Variants in PPP2R2B observed in about 807,000 individuals in gnomAD.
PPP2R2B encodes the protein protein phosphatase 2 regulatory subunit Bbeta.
A neutral mutation model predicts 46.0 loss-of-function variants in PPP2R2B; 5 were observed. The observed-to-expected ratio is 0.11, with a 90% CI of 0.06 to 0.23. PPP2R2B has a LOEUF of 0.23. PPP2R2B is among the 10% of genes least tolerant of loss of function. PPP2R2B has a pLI of 1.00. For synonymous variants in PPP2R2B, 215 were observed against 206.7 expected (o/e 1.04, Z -0.34); for missense variants, 367 against 575.0 (o/e 0.64, Z 3.70).
At chr5:146,966,204 A>G (rs1475942596) in intron 1 of PPP2R2B, among the ~76,000 whole-genome samples, 1 of 152,096 alleles carries the variant, frequency 6.6e-6, no homozygotes, top group Non-Finnish European at 1.5e-5. Flanking sequence ...GAGGCTCGTT[A>G]ATGTTGTCAT....
At chr5:146,768,126 T>C (rs1754605592) in intron 2 of PPP2R2B, among the ~76,000 whole-genome samples, 1 of 152,116 alleles carries the variant, frequency 6.6e-6, no homozygotes, top group South Asian at 2.1e-4. Flanking sequence ...CAGGTTGGAG[T>C]GCAGTGGCAC....
At chr5:146,747,097 A>G (rs573397724) in intron 2 of PPP2R2B, among the ~76,000 whole-genome samples, 1 of 152,168 alleles carries the variant, frequency 6.6e-6, no homozygotes, top group Non-Finnish European at 1.5e-5. Flanking sequence ...GTGGAATTAA[A>G]TTTTAAGAGG....
At chr5:146,972,670 C>T (rs2151849297) in intron 1 of PPP2R2B, among the ~76,000 whole-genome samples, 1 of 152,144 alleles carries the variant, frequency 6.6e-6, no homozygotes, top group South Asian at 2.1e-4. Context: ...TGAGATCATG[C>T]CATTGTACTC....
At position 146,806,170 on chromosome 5, in the gene PPP2R2B, T is replaced by G. The variant is rs553488126; in HGVS notation, c.70+71832A>C. 2.6e-5 allele frequency among the ~76,000 whole-genome samples: 4 copies of G among 152,236 alleles called. No homozygotes were observed. The East Asian group carries it at 7.8e-4, about 30-fold the overall frequency. On this transcript the variant is annotated intron_variant, in intron 2 of 9. Coordinates refer to ENST00000394411, the MANE Select transcript of PPP2R2B (RefSeq NM_181675.4). ...TGTGTGTGATGCGCACATACACACATGTGCACAAGCAGAAACACGCCTTTA... is the reference window on the plus strand; with the variant it reads ...TGTGTGTGATGCGCACATACACACAGGTGCACAAGCAGAAACACGCCTTTA...
At chr5:146,697,884 C>T (rs528111657) in intron 4 of PPP2R2B, 95 bp downstream of exon 4, 325 of 1,262,596 alleles carry the variant, frequency 2.6e-4, no homozygotes, top group Non-Finnish European at 3.5e-4. Context: ...TTTCAACAGC[C>T]CACACAGTTC....
At chr5:146,782,865 G>C (rs981890340) in intron 2 of PPP2R2B, among the ~76,000 whole-genome samples, 12 of 152,042 alleles carry the variant, frequency 7.9e-5, no homozygotes, top group Non-Finnish European at 8.8e-5. Flanking sequence ...GAGAGAAACA[G>C]AGGGGGAAGG....
At chr5:146,614,198 A>G (rs1392003582) in intron 7 of PPP2R2B, among the ~76,000 whole-genome samples, 1 of 122,730 alleles carries the variant, frequency 8.1e-6, no homozygotes, top group Non-Finnish European at 1.6e-5. Context: ...ATAATGTCGC[A>G]TATCTACAAC....
intron 2 of PPP2R2B, among the ~76,000 whole-genome samples, chr5:146,852,132 C>G (rs80192862): frequency 0.012 from 1,760 of 152,056 alleles, 37 homozygotes; most frequent in African/African-American, 0.041. Context: ...GAAAGGGGAC[C>G]AATAACAGCA....
chr5:146,743,438 GAT>G (rs767144124), intron 2 of PPP2R2B, among the ~76,000 whole-genome samples: 2 of 152,132 alleles, frequency 1.3e-5, no homozygotes, highest in Non-Finnish European at 2.9e-5. Context: ...GTACATAAAA[GAT>G]ATTCTTTACA....
At chr5:146,663,145 T>C (rs1466365170) in intron 5 of PPP2R2B, among the ~76,000 whole-genome samples, 1 of 152,178 alleles carries the variant, frequency 6.6e-6, no homozygotes, top group African/African-American at 2.4e-5. Flanking sequence ...TTTTTACAGA[T>C]CAGCATATCT....
chr5:146,671,189 T>C (rs2151121381), intron 5 of PPP2R2B, among the ~76,000 whole-genome samples: 1 of 152,324 alleles, frequency 6.6e-6, no homozygotes, highest in East Asian at 1.9e-4. Flanking sequence ...TATCCTAGAC[T>C]TTGGGAAACA....
At chr5:146,886,777 G>A (rs1762341828) in intron 1 of PPP2R2B, among the ~76,000 whole-genome samples, 1 of 151,510 alleles carries the variant, frequency 6.6e-6, no homozygotes, top group Non-Finnish European at 1.5e-5. Flanking sequence ...AAATATTTTA[G>A]AACATGCATC....
At chr5:146,841,806 T>C (rs1032652673) in intron 2 of PPP2R2B, among the ~76,000 whole-genome samples, 4 of 152,002 alleles carry the variant, frequency 2.6e-5, no homozygotes, top group African/African-American at 9.7e-5. Context: ...AGGGGAGGGA[T>C]AGCATTAGGA....
At chr5:146,655,403 C>G (rs1776258626) in intron 5 of PPP2R2B, among the ~76,000 whole-genome samples, 3 of 152,086 alleles carry the variant, frequency 2.0e-5, no homozygotes, top group Admixed American at 2.0e-4. Context: ...AATGTCACCC[C>G]CTCAGGGAGG....
chr5:147,025,977 T>C (rs1334560206), intron 1 of PPP2R2B, among the ~76,000 whole-genome samples: 1 of 152,132 alleles, frequency 6.6e-6, no homozygotes, highest in Non-Finnish European at 1.5e-5. Flanking sequence ...AGACTTTCTC[T>C]ACCAAATGGT....
intron 2 of PPP2R2B, among the ~76,000 whole-genome samples, chr5:146,856,961 C>T (rs1478713869): frequency 6.6e-6 from 1 of 152,148 alleles, no homozygotes; most frequent in East Asian, 1.9e-4. Flanking sequence ...TTGTATTTAA[C>T]AAATACTTCA....
At chr5:146,822,846 A>G (rs1302018050) in intron 2 of PPP2R2B, among the ~76,000 whole-genome samples, 5 of 152,238 alleles carry the variant, frequency 3.3e-5, no homozygotes, top group African/African-American at 1.2e-4. Context: ...AAGCACCAAG[A>G]TAAGTCTTTC....
chr5:146,795,973 A>G (rs146859998), intron 2 of PPP2R2B, among the ~76,000 whole-genome samples: 52 of 152,282 alleles, frequency 3.4e-4, no homozygotes, highest in Admixed American at 5.9e-4. Context: ...GGGTATAAAC[A>G]TGCCTGCATA....
chr5:147,030,082 AG>A (rs980256575), intron 1 of PPP2R2B, among the ~76,000 whole-genome samples: 75 of 152,226 alleles, frequency 4.9e-4, no homozygotes, highest in African/African-American at 1.7e-3. Context: ...TATATCACCT[AG>A]GAAAGAATAA....
Sources: gnomAD v4.1 joint callset for allele counts (sites outside exome capture counted in the v4.1 genomes callset) on GRCh38, gnomAD v4.1.1 for gene constraint, MANE v1.5 for transcripts, NCBI Gene and HGNC (gene_info 2026-07-23, HGNC 2026-07-21) for gene names.